The following SYTL2 variants were observed in gnomAD, a reference collection of about 807,000 sequenced individuals.
SYTL2 encodes the protein synaptotagmin like 2.
Under a neutral mutation model 198.7 loss-of-function variants are expected in SYTL2, and 165 were observed. The observed-to-expected ratio is 0.83, with a 90% confidence interval of 0.73 to 0.94. The LOEUF is 0.94. Ranked by LOEUF, SYTL2 falls within the 40% of genes least tolerant of loss-of-function variation. The pLI is 0.00. For synonymous variants in SYTL2, 966 were observed against 917.7 expected (o/e 1.05, Z -0.95); for missense variants, 2,835 against 2,582.8 (o/e 1.10, Z -2.12).
At chr11:85,763,915 A>C (rs2092166137) in intron 1 of SYTL2, among the ~76,000 whole-genome samples, 1 of 152,254 alleles carries the variant, frequency 6.6e-6, no homozygotes, top group Non-Finnish European at 1.5e-5. Context: ...AGACGGAACA[A>C]GTTGAATGTG....
At chr11:85,786,773 A>G (rs563710365) in intron 1 of SYTL2, among the ~76,000 whole-genome samples, 2 of 152,252 alleles carry the variant, frequency 1.3e-5, no homozygotes, top group East Asian at 3.9e-4. Context: ...CACACAACCT[A>G]AATTTTGCTC....
the SYTL2 span, among the ~76,000 whole-genome samples, chr11:85,849,957 T>C: frequency 1.4e-5 from 2 of 146,652 alleles, no homozygotes; most frequent in East Asian, 3.8e-4. Context: ...TCCTCTTTTA[T>C]TTCGTTGAGC....
chr11:85,727,667 T>C lies in SYTL2; in HGVS notation c.1691A>G (p.Asp564Gly), dbSNP rs61908775. The stretch of plus-strand genomic sequence containing the variant: ...GCCATTTTCTCTTAAAGTAGTGTCA[T>C]CTGTCACCAAGTCAACAGCAACCTG... ...KSQVAVDLVT[D>G]DTTLRENGSK... is the part of the protein sequence containing the mutation. Residue 564 changes from aspartate (D) to glycine (G), a missense_variant, in exon 8 of 20, where the codon GAT becomes GGT. Transcript: ENST00000359152. 0.026 allele frequency: 39,452 copies of C among 1,538,844 alleles called. 660 individuals are homozygous for C. Among genetic ancestry groups the C allele is most frequent in the South Asian group, 0.031 (2,577 of 84,028 alleles).
At chr11:85,853,216 G>C in the SYTL2 span, 20 of 421,480 alleles carry the variant, frequency 4.7e-5, no homozygotes, top group Admixed American at 1.6e-4. Context: ...TTGTGGAATA[G>C]AAAAGGGGGA....
At chr11:85,760,413 C>A (rs2092065053) in intron 1 of SYTL2, among the ~76,000 whole-genome samples, 1 of 152,184 alleles carries the variant, frequency 6.6e-6, no homozygotes, top group Non-Finnish European at 1.5e-5. Context: ...TTGTGAGTCT[C>A]TGAATGTGAA....
intron 1 of SYTL2, among the ~76,000 whole-genome samples, chr11:85,777,630 C>G (rs549609415): frequency 2.0e-5 from 3 of 148,958 alleles, no homozygotes; most frequent in South Asian, 2.1e-4. Flanking sequence ...GGGATTTAAT[C>G]CCCCCCCAAC....
At position 85,733,593 on chromosome 11, in the gene SYTL2, T is replaced by G. The variant is rs10898399; in HGVS notation, c.1390+346A>C. Reference sequence around the variant, plus strand: ...TCAAGCCCACCAAGTTTTTTTTTTTTGTTTTTTTTTTTTTTTTGAGACGGA... The same window carrying G: ...TCAAGCCCACCAAGTTTTTTTTTTTGGTTTTTTTTTTTTTTTTGAGACGGA... On this transcript the variant is annotated intron_variant, in intron 7 of 19. Transcript: ENST00000359152. 160 of 105,664 alleles carry G rather than the reference T, an allele frequency of 1.5e-3. 4 individuals are homozygous for G. Among genetic ancestry groups the G allele is most frequent in the African/African-American group, 3.6e-3 (99 of 27,548 alleles). 6.5% of individuals were successfully genotyped at this position (105,664 alleles called of 1,614,324 possible). A position where few individuals can be genotyped will look rare whatever the true frequency, so the allele number is the denominator to read the frequency against.
intron 10 of SYTL2, 176 bp from the exon 11 acceptor site, chr11:85,717,706 G>A (rs750552636): frequency 6.2e-6 from 4 of 648,966 alleles, no homozygotes; most frequent in South Asian, 1.5e-5. Flanking sequence ...CCTCTTTAAG[G>A]TCTCCTGTTC....
chr11:85,727,401 A>G lies in SYTL2; in HGVS notation c.1957T>C (p.Ser653Pro), dbSNP rs1373165079. The G allele has an allele frequency of 1.3e-6, 2 of 1,536,130 alleles. No individual in the cohort carries two copies. Among genetic ancestry groups the G allele is most frequent in the African/African-American group, 2.7e-5 (2 of 72,990 alleles). Residue 653 changes from serine (S) to proline (P), a missense_variant, in exon 8 of 20, where the codon TCA becomes CCA. Around this residue, in one of 3 missense-constraint regions of SYTL2, gnomAD observed 2,645 missense variants for 2,381.7 expected, o/e 1.11. Coordinates refer to ENST00000359152, the MANE Select transcript of SYTL2 (RefSeq NM_206927.4). Reference sequence around the variant, plus strand: ...CCATTCCCTTTTCCTGGGCTTTTTGAATCTTGGCTATAGTCCATATTTTTA... The same window carrying G: ...CCATTCCCTTTTCCTGGGCTTTTTGGATCTTGGCTATAGTCCATATTTTTA... ...GSKNMDYSQD[S>P]KSPGKGNGAS...
intron 1 of SYTL2, among the ~76,000 whole-genome samples, chr11:85,806,826 G>A (rs1050442574): frequency 2.0e-5 from 3 of 152,222 alleles, no homozygotes; most frequent in Middle Eastern, 3.2e-3. Flanking sequence ...ACCCTCATCT[G>A]GTCCAATTCT....
At chr11:85,852,290 A>AT in the SYTL2 span, among the ~76,000 whole-genome samples, 1 of 152,234 alleles carries the variant, frequency 6.6e-6, no homozygotes, top group Non-Finnish European at 1.5e-5. Context: ...AGGATAAGTA[A>AT]TTGACTGAAA....
At chr11:85,764,931 C>T (rs1184544329) in intron 1 of SYTL2, among the ~76,000 whole-genome samples, 2 of 152,172 alleles carry the variant, frequency 1.3e-5, no homozygotes, top group Admixed American at 6.5e-5. Flanking sequence ...AATATGCGTA[C>T]ACAGAAATGT....
chr11:85,803,631 C>T (rs540427803), intron 1 of SYTL2, among the ~76,000 whole-genome samples: 1 of 152,298 alleles, frequency 6.6e-6, no homozygotes, highest in South Asian at 2.1e-4. Flanking sequence ...AAACATATGT[C>T]TTAACACAGG....
chr11:85,819,592 G>A, the SYTL2 span, among the ~76,000 whole-genome samples: 2 of 152,170 alleles, frequency 1.3e-5, no homozygotes, highest in African/African-American at 2.4e-5. Context: ...ATGTGCAAGT[G>A]TTTATGTCAT....
intron 1 of SYTL2, among the ~76,000 whole-genome samples, chr11:85,762,962 T>A (rs995575368): frequency 8.7e-5 from 13 of 149,568 alleles, no homozygotes; most frequent in Non-Finnish European, 1.8e-4. Flanking sequence ...AAAAAAAAAA[T>A]GATGAACACA....
chr11:85,761,992 G>A (rs772803705), intron 1 of SYTL2, among the ~76,000 whole-genome samples: 3 of 152,204 alleles, frequency 2.0e-5, no homozygotes, highest in East Asian at 1.9e-4. Context: ...TTTTTCACAT[G>A]AGGAGAGTGA....
intron 16 of SYTL2, among the ~76,000 whole-genome samples, chr11:85,703,577 T>G (rs1164352400): frequency 1.3e-5 from 2 of 152,070 alleles, no homozygotes; most frequent in African/African-American, 4.8e-5. Context: ...AAATCTGAAA[T>G]AATCTGTTGC....
chr11:85,826,797 C>T, the SYTL2 span, among the ~76,000 whole-genome samples: 2 of 152,222 alleles, frequency 1.3e-5, no homozygotes, highest in African/African-American at 4.8e-5. Flanking sequence ...ACAACATATT[C>T]ACTCCTCGTG....
the SYTL2 span, chr11:85,853,240 G>C: frequency 4.7e-6 from 2 of 427,646 alleles, no homozygotes. Context: ...GTGGGGAAAA[G>C]ATAGAGAAAT....
Sources: gnomAD v4.1 joint callset for allele counts (sites outside exome capture counted in the v4.1 genomes callset) on GRCh38, gnomAD v4.1.1 for gene constraint, gnomAD v4.1.1 regional missense constraint, MANE v1.5 for transcripts, NCBI Gene and HGNC (gene_info 2026-07-23, HGNC 2026-07-21) for gene names.